Variants in CCDC149 observed in about 807,000 individuals in gnomAD.
CCDC149 encodes the protein coiled-coil domain containing 149, also known as coiled-coil domain-containing protein 149.
CCDC149 carries 45 observed loss-of-function variants against 59.9 expected under a neutral mutation model. The ratio of observed to expected loss-of-function variants is 0.75; its 90% CI spans 0.59 to 0.96. CCDC149 has a LOEUF of 0.96. Ranked by LOEUF, CCDC149 falls within the 40% of genes least tolerant of loss-of-function variation. CCDC149 has a pLI of 0.00. For synonymous variants in CCDC149, 245 were observed against 260.6 expected, an observed-to-expected ratio of 0.94 and a Z score of 0.58; for missense variants, 584 against 664.7, an observed-to-expected ratio of 0.88 and a Z score of 1.33.
At chr4:24,944,681 A>G (rs2109350785) in intron 1 of CCDC149, among the ~76,000 whole-genome samples, 1 of 152,340 alleles carries the variant, frequency 6.6e-6, no homozygotes, top group Admixed American at 6.5e-5. Flanking sequence ...TGATAGGTAC[A>G]GCAAACCACC....
At chr4:24,874,509 G>C (rs760895418) in intron 2 of CCDC149, among the ~76,000 whole-genome samples, 1 of 151,992 alleles carries the variant, frequency 6.6e-6, no homozygotes, top group African/African-American at 2.4e-5. Flanking sequence ...TTGTACCCAG[G>C]AGGCAGAGGT....
At chr4:24,871,223 A>C (rs1037748032) in intron 3 of CCDC149, among the ~76,000 whole-genome samples, 1 of 152,054 alleles carries the variant, frequency 6.6e-6, no homozygotes, top group African/African-American at 2.4e-5. Context: ...TAACCATAGG[A>C]CTGAGTTGGT....
In CCDC149 at chr4:24,903,282, G is replaced by A. The variant is rs183835469; in HGVS notation, c.63+9535C>T. 5.9e-5 allele frequency among the ~76,000 whole-genome samples: 9 copies of A among 152,152 alleles called. No individual in the cohort carries two copies. The East Asian group carries it at 9.7e-4, about 16-fold the overall frequency. ...GGCACAGTTGAGTCTCTCCAGTGGC[G>A]CCCTCGACCATAACTCCTCAAAAGA... On this transcript the variant is annotated intron_variant, in intron 1 of 12. Transcript: ENST00000635206.
chr4:24,874,275 G>T (rs5856869), intron 2 of CCDC149, among the ~76,000 whole-genome samples: 14,172 of 30,762 alleles, frequency 0.46, 1,945 homozygotes, highest in African/African-American at 0.56. Flanking sequence ...GTTTTTTTTT[G>T]TTTTTTTGCC....
intron 1 of CCDC149, among the ~76,000 whole-genome samples, chr4:24,932,795 G>A (rs1722632085): frequency 6.6e-6 from 1 of 152,190 alleles, no homozygotes; most frequent in South Asian, 2.1e-4. Context: ...AGAGGGAAGT[G>A]TCAGGGACCT....
At chr4:24,861,357 T>G (rs800482) in intron 3 of CCDC149, among the ~76,000 whole-genome samples, 136,310 of 152,146 alleles carry the variant, frequency 0.9, 61,214 homozygotes, top group African/African-American at 0.95. Context: ...AGTTGGAGAC[T>G]ATTATTCTAA....
intron 1 of CCDC149, among the ~76,000 whole-genome samples, chr4:24,886,377 T>C (rs966767206): frequency 1.3e-5 from 2 of 152,236 alleles, no homozygotes; most frequent in Non-Finnish European, 2.9e-5. Flanking sequence ...CATTTCAGTC[T>C]GGACTCTGTT....
intron 12 of CCDC149, 34 bp downstream of exon 12, chr4:24,819,825 C>T (rs559138590): frequency 2.8e-6 from 4 of 1,453,290 alleles, no homozygotes; most frequent in Non-Finnish European, 3.8e-6. Context: ...CAGGCACAGT[C>T]CAGGTAAAGA....
intron 3 of CCDC149, among the ~76,000 whole-genome samples, chr4:24,857,286 A>G (rs1418661517): frequency 6.6e-6 from 1 of 152,164 alleles, no homozygotes; most frequent in Admixed American, 6.5e-5. Context: ...AATCCATACT[A>G]GATCAATACT....
chr4:24,921,552 A>C (rs1408764900), intron 1 of CCDC149, among the ~76,000 whole-genome samples: 1 of 152,170 alleles, frequency 6.6e-6, no homozygotes, highest in African/African-American at 2.4e-5. Flanking sequence ...GCCCTGGTGC[A>C]GGTGGTGCTG....
intron 1 of CCDC149, among the ~76,000 whole-genome samples, chr4:24,878,515 AG>A (rs973776477): frequency 4.7e-4 from 71 of 152,340 alleles, no homozygotes; most frequent in Non-Finnish European, 9.3e-4. Context: ...CAGTGTCCTC[AG>A]GGGCGTATTG....
chr4:24,833,034 G>A (rs1716258306), intron 8 of CCDC149, among the ~76,000 whole-genome samples: 1 of 152,008 alleles, frequency 6.6e-6, no homozygotes. Flanking sequence ...GGGTCACTCA[G>A]GTGCTCCTGC....
chr4:24,813,527 T>TATATATATATAA (rs1405803152), intron 12 of CCDC149, among the ~76,000 whole-genome samples: 95 of 91,268 alleles, frequency 1.0e-3, no homozygotes, highest in African/African-American at 1.9e-3. Context: ...TATATATATA[T>TATATATATATAA]AAAACCTAAA....
chr4:24,919,154 G>A (rs960724522), intron 1 of CCDC149, among the ~76,000 whole-genome samples: 2 of 152,158 alleles, frequency 1.3e-5, no homozygotes, highest in South Asian at 2.1e-4. Context: ...TTAAGGTGCC[G>A]TAAGAGAGGC....
At chr4:24,827,283 G>C (rs1000341238) in intron 9 of CCDC149, 1 of 152,272 alleles carries the variant, frequency 6.6e-6, no homozygotes, top group South Asian at 2.1e-4. Context: ...CTACATGCCT[G>C]AAGACGCCCC....
In CCDC149 at chr4:24,856,580, G is replaced by C. The variant is rs183815150; in HGVS notation, c.265-3401C>G. Among the ~76,000 whole-genome samples, 253 of 152,296 alleles carry C rather than the reference G, an allele frequency of 1.7e-3. 1 individual carries two copies. Among genetic ancestry groups the C allele is most frequent in the African/African-American group, 5.7e-3 (235 of 41,564 alleles). ...CCCAGACAGGGGAAAAGGCAAACAG[G>C]CTTCCCTCTCTCCCTCACCCCATCA... On this transcript the variant is annotated intron_variant, in intron 3 of 12. Coordinates refer to ENST00000635206, the MANE Select transcript of CCDC149 (RefSeq NM_001330643.2).
rs1017647616 is a variant in CCDC149, at chr4:24,806,986, G to A, written c.*1403C>T. 1.3e-5 allele frequency: 2 copies of A among 152,468 alleles called. No homozygotes were observed. The highest frequency in any genetic ancestry group is 2.9e-5 in the Non-Finnish European group (2 of 68,036). 9.4% of individuals were successfully genotyped at this position (152,468 alleles called of 1,614,324 possible). ...GATGTATCCACGTGGCTGACCCCTCGTGTCCAGATGTCACATCTTAGTGTC... is the reference window on the plus strand; with the variant it reads ...GATGTATCCACGTGGCTGACCCCTCATGTCCAGATGTCACATCTTAGTGTC... On this transcript the variant is annotated 3_prime_UTR_variant, in exon 13 of 13. Coordinates refer to ENST00000635206, the MANE Select transcript of CCDC149 (RefSeq NM_001330643.2).
Position 24,858,559 on chromosome 4 carries a change from G to T in CCDC149, c.265-5380C>A, listed in dbSNP as rs142252329. On this transcript the variant is annotated intron_variant, in intron 3 of 12. Coordinates refer to ENST00000635206, the MANE Select transcript of CCDC149 (RefSeq NM_001330643.2). ...TTTATTAAAATTGTGATGGGAAAGGGAGGGAAGAGAGATTTGATGAAAACA... is the reference window on the plus strand; with the variant it reads ...TTTATTAAAATTGTGATGGGAAAGGTAGGGAAGAGAGATTTGATGAAAACA... 5.4e-4 allele frequency among the ~76,000 whole-genome samples: 83 copies of T among 152,310 alleles called. 1 individual carries two copies. In the East Asian group the frequency reaches 0.015, roughly 27 times the overall value.
At chr4:24,862,109 T>C (rs540886074) in intron 3 of CCDC149, among the ~76,000 whole-genome samples, 1 of 152,310 alleles carries the variant, frequency 6.6e-6, no homozygotes, top group East Asian at 1.9e-4. Flanking sequence ...ATGCTAATTG[T>C]CTCAAAATGA....
Sources: allele counts gnomAD v4.1 joint callset (sites outside exome capture counted in the v4.1 genomes callset), GRCh38; gene constraint gnomAD v4.1.1; transcripts MANE v1.5; gene names NCBI Gene and HGNC (gene_info 2026-07-23, HGNC 2026-07-21).